Variants in ARL6 observed in about 807,000 individuals in gnomAD.
ARL6 encodes the protein ARF like GTPase 6.
A neutral mutation model predicts 27.1 loss-of-function variants in ARL6; 18 were observed. The ratio of observed to expected loss-of-function variants is 0.66; its 90% CI spans 0.46 to 0.98. The LOEUF (loss-of-function observed/expected upper bound fraction) is 0.98. Ranked by LOEUF, ARL6 falls within the 50% of genes least tolerant of loss-of-function variation. ARL6 has a pLI of 0.00. For missense variants in ARL6, 187 were observed against 214.9 expected, an observed-to-expected ratio of 0.87 and a Z score of 0.81; for synonymous variants, 65 against 72.3, an observed-to-expected ratio of 0.90 and a Z score of 0.51.
Position 97,785,171 on chromosome 3 carries a change from CAT to C in ARL6, c.349+127_349+128del, listed in dbSNP as rs573793345. 1.6e-3 allele frequency: 1,153 copies of C among 699,076 alleles called. 7 individuals are homozygous for C. The highest frequency in any genetic ancestry group is 3.8e-3 in the South Asian group (191 of 50,216). 43.3% of individuals were successfully genotyped at this position (699,076 alleles called of 1,614,324 possible). On this transcript the variant is annotated intron_variant, in intron 5 of 7. Transcript: ENST00000463745. Reference sequence around the variant, plus strand: ...TCATTTAAAATTTTTGAATTTAAAACATATATGTTATACAAAATTTATATTTT... The same window carrying C: ...TCATTTAAAATTTTTGAATTTAAAACATATGTTATACAAAATTTATATTTT...
chr3:97,791,871 T>C (rs745694580), intron 7 of ARL6, 45 bp downstream of exon 7: 13 of 1,530,378 alleles, frequency 8.5e-6, no homozygotes, highest in African/African-American at 2.7e-5. Context: ...GTTTCCTTTT[T>C]ATTCATATTT....
chr3:97,786,603 A>G (rs939462798), intron 5 of ARL6, among the ~76,000 whole-genome samples: 13 of 152,188 alleles, frequency 8.5e-5, no homozygotes, highest in Non-Finnish European at 4.4e-5. Flanking sequence ...TGAAGTGTAT[A>G]TGAACTTTTT....
At chr3:97,772,584 C>T (rs1365308894) in intron 2 of ARL6, among the ~76,000 whole-genome samples, 1 of 147,196 alleles carries the variant, frequency 6.8e-6, no homozygotes, top group East Asian at 2.0e-4. Flanking sequence ...TCTGGTTGTT[C>T]GAGGTGCATC....
At chr3:97,794,124 A>G (rs919155877) in intron 7 of ARL6, among the ~76,000 whole-genome samples, 11 of 151,856 alleles carry the variant, frequency 7.2e-5, no homozygotes, top group Non-Finnish European at 1.3e-4. Context: ...CAGGATAAAA[A>G]AGTGTATCAT....
intron 1 of ARL6, among the ~76,000 whole-genome samples, chr3:97,767,264 T>G (rs1345752956): frequency 6.6e-6 from 1 of 152,148 alleles, no homozygotes; most frequent in South Asian, 2.1e-4. Flanking sequence ...AGTATTTACT[T>G]CCTTATTCTA....
rs1576490154 is a variant in ARL6, at chr3:97,800,405, T to C, written c.*2356T>C. On this transcript the variant is annotated 3_prime_UTR_variant, in exon 8 of 8. Coordinates refer to ENST00000463745, the MANE Select transcript of ARL6 (RefSeq NM_001278293.3). Reference sequence around the variant, plus strand: ...CTTTCATGTCTAGACATCAGTGTGTTACAGAGTTTAATTCATTAAGCTCTG... The same window carrying C: ...CTTTCATGTCTAGACATCAGTGTGTCACAGAGTTTAATTCATTAAGCTCTG... The C allele has an allele frequency of 6.6e-6, 1 of 152,186 alleles. No individual in the cohort carries two copies. The highest frequency in any genetic ancestry group is 1.9e-4 in the East Asian group (1 of 5,198). The allele number at this position is 152,186 out of a possible 1,614,324, so 9.4% of individuals were successfully genotyped here. A position where few individuals can be genotyped will look rare whatever the true frequency, so the allele number is the denominator to read the frequency against.
intron 4 of ARL6, among the ~76,000 whole-genome samples, chr3:97,782,606 C>CT (rs748074101): frequency 1.7e-4 from 26 of 151,820 alleles, no homozygotes; most frequent in South Asian, 6.2e-4. Flanking sequence ...AATGTAATAT[C>CT]TTTTTCAGGG....
chr3:97,795,100 G>C (rs772572443), intron 7 of ARL6, among the ~76,000 whole-genome samples: 14 of 152,020 alleles, frequency 9.2e-5, no homozygotes, highest in Non-Finnish European at 2.1e-4. Context: ...TAAAGTTTAA[G>C]GTTAGAAGCT....
intron 7 of ARL6, among the ~76,000 whole-genome samples, chr3:97,794,354 A>G (rs1177546129): frequency 6.6e-6 from 1 of 152,004 alleles, no homozygotes; most frequent in African/African-American, 2.4e-5. Context: ...CTGAGATTAC[A>G]GGTGCCTGCC....
intron 7 of ARL6, among the ~76,000 whole-genome samples, chr3:97,797,386 A>C (rs2038053444): frequency 6.6e-6 from 1 of 152,104 alleles, no homozygotes; most frequent in Non-Finnish European, 1.5e-5. Context: ...AGGAAAGAAA[A>C]AGTATACCAC....
rs2037194253 is a variant in ARL6 at position 97,781,445 on chromosome 3, A to G, written c.254+762A>G. On this transcript the variant is annotated intron_variant, in intron 4 of 7. Coordinates refer to ENST00000463745, the MANE Select transcript of ARL6 (RefSeq NM_001278293.3). ...AAACTTAAATTGCCGTGCACAAACT[A>G]CTGTATTGAAAGCATATAAATGAGG... Among the ~76,000 whole-genome samples, 2 of 152,146 alleles carry G rather than the reference A, an allele frequency of 1.3e-5. 1 individual carries two copies. Among genetic ancestry groups the G allele is most frequent in the Admixed American group, 1.3e-4 (2 of 15,272 alleles).
chr3:97,796,118 C>G (rs2037987486), intron 7 of ARL6, among the ~76,000 whole-genome samples: 1 of 152,142 alleles, frequency 6.6e-6, no homozygotes, highest in African/African-American at 2.4e-5. Context: ...TTAGTGTTCA[C>G]TTATACATAT....
At position 97,765,211 on chromosome 3, in the gene ARL6, G is replaced by GGTGTGTGTGT. The variant is rs71113866; in HGVS notation, c.-28+265_-28+274dup. On this transcript the variant is annotated intron_variant, in intron 1 of 7. Coordinates refer to ENST00000463745, the MANE Select transcript of ARL6 (RefSeq NM_001278293.3). Reference sequence around the variant, plus strand: ...GCTCAACTTAGACCCGTGTATTGGGGGTGTGTGTGTGTGTGTGTGTGTGTG... The same window carrying GGTGTGTGTGT: ...GCTCAACTTAGACCCGTGTATTGGGGGTGTGTGTGTGTGTGTGTGTGTGTGTGTGTGTGTG... 3.4e-3 allele frequency among the ~76,000 whole-genome samples: 356 copies of GGTGTGTGTGT among 105,588 alleles called. 3 individuals are homozygous for GGTGTGTGTGT. The highest frequency in any genetic ancestry group is 4.1e-3 in the South Asian group (12 of 2,950). The allele number at this position is 105,588 out of a possible 152,430, so 69.3% of individuals were successfully genotyped here.
At chr3:97,771,278 A>G (rs973590971) in intron 2 of ARL6, among the ~76,000 whole-genome samples, 3 of 151,818 alleles carry the variant, frequency 2.0e-5, no homozygotes, top group African/African-American at 4.8e-5. Flanking sequence ...TAGCTATTAT[A>G]TATGGGATTA....
Position 97,768,200 on chromosome 3 carries a change from G to A in ARL6, c.93G>A (p.Thr31=), listed in dbSNP as rs778479091. The change falls in exon 2 of 8, where the codon ACG becomes ACA. Residue 31 remains threonine (T), a synonymous_variant. Transcript: ENST00000463745. The part of the protein sequence containing the change: ...LCLGLDNSGK[T]TIINKLKPSN... Reference sequence around the variant, plus strand: ...TTGGGCTAGATAATAGTGGCAAAACGACGATCATTAACAAACTTAAACCTT... The same window carrying A: ...TTGGGCTAGATAATAGTGGCAAAACAACGATCATTAACAAACTTAAACCTT... The A allele has an allele frequency of 2.4e-5, 38 of 1,612,664 alleles. No individual in the cohort carries two copies. The highest frequency in any genetic ancestry group is 2.1e-4 in the South Asian group (19 of 91,018).
chr3:97,783,628 G>A (rs3856568), intron 4 of ARL6, among the ~76,000 whole-genome samples: 118,599 of 151,646 alleles, frequency 0.78, 46,454 homozygotes, highest in East Asian at 0.85. Context: ...GTTTCTATAT[G>A]TACTGGTAAT....
In ARL6 at chr3:97,800,909, C is replaced by T. The variant is rs1245667757; in HGVS notation, c.*2860C>T. ...CTCTCTGGAGTCTGTTTGATAAGAG[C>T]ATGAATCCCATTACATCTTCACATG... On this transcript the variant is annotated 3_prime_UTR_variant, in exon 8 of 8. Coordinates refer to ENST00000463745, the MANE Select transcript of ARL6 (RefSeq NM_001278293.3). 6.6e-6 allele frequency: 1 copy of T among 152,162 alleles called. No individual in the cohort carries two copies. The highest frequency in any genetic ancestry group is 2.4e-5 in the African/African-American group (1 of 41,430). 9.4% of individuals were successfully genotyped at this position (152,162 alleles called of 1,614,324 possible).
rs1459300482 is a variant in ARL6, at chr3:97,799,388, G to A, written c.*1339G>A. 6.6e-6 allele frequency: 1 copy of A among 151,996 alleles called. No homozygotes were observed. Among genetic ancestry groups the A allele is most frequent in the Non-Finnish European group, 1.5e-5 (1 of 67,924 alleles). 9.4% of individuals were successfully genotyped at this position (151,996 alleles called of 1,614,324 possible). A position where few individuals can be genotyped will look rare whatever the true frequency, so the allele number is the denominator to read the frequency against. On this transcript the variant is annotated 3_prime_UTR_variant, in exon 8 of 8. Transcript: ENST00000463745. ...CATTTGGCAAATTGAAAGTTACCCA[G>A]AAAATTCCAATGGCTCAGCATCTTA...
rs2108118735 is a variant in ARL6, at chr3:97,798,893, T to C, written c.*844T>C. The C allele has an allele frequency of 6.6e-6, 1 of 152,212 alleles. No individual in the cohort carries two copies. Among genetic ancestry groups the C allele is most frequent in the South Asian group, 2.1e-4 (1 of 4,820 alleles). The allele number at this position is 152,212 out of a possible 1,614,324, so 9.4% of individuals were successfully genotyped here. A position where few individuals can be genotyped will look rare whatever the true frequency, so the allele number is the denominator to read the frequency against. ...GACTGTTCAGTAATCATTACTGACA[T>C]CTTGTTTTTCACTTTTAAATGCCTC... On this transcript the variant is annotated 3_prime_UTR_variant, in exon 8 of 8. Transcript: ENST00000463745.
Sources: allele counts gnomAD v4.1 joint callset (sites outside exome capture counted in the v4.1 genomes callset), GRCh38; gene constraint gnomAD v4.1.1; transcripts MANE v1.5; gene names NCBI Gene and HGNC (gene_info 2026-07-23, HGNC 2026-07-21).